PDE8B: variants seen among roughly 807,000 people sequenced by gnomAD.
PDE8B encodes phosphodiesterase 8B, also known as high affinity cAMP-specific and IBMX-insensitive 3',5'-cyclic phosphodiesterase 8B.
PDE8B carries 26 observed loss-of-function variants against 101.3 expected under a neutral mutation model. That is an observed-to-expected ratio of 0.26 (90% CI 0.19 to 0.36). The LOEUF is 0.36. Ranked by LOEUF, PDE8B falls within the 10% of genes least tolerant of loss-of-function variation. The pLI is 1.00. For missense variants in PDE8B, 810 were observed against 1,163.1 expected, an observed-to-expected ratio of 0.70 and a Z score of 4.42; for synonymous variants, 424 against 429.3, an observed-to-expected ratio of 0.99 and a Z score of 0.15.
intron 1 of PDE8B, among the ~76,000 whole-genome samples, chr5:77,309,153 T>G (rs983684216): frequency 8.6e-5 from 12 of 139,348 alleles, no homozygotes; most frequent in Non-Finnish European, 1.5e-4. Flanking sequence ...CACTCCAGCC[T>G]GGGCGACAGA....
chr5:77,363,476 G>A (rs1783509839), intron 10 of PDE8B, among the ~76,000 whole-genome samples: 1 of 152,124 alleles, frequency 6.6e-6, no homozygotes, highest in Non-Finnish European at 1.5e-5. Flanking sequence ...CACTTTGGGA[G>A]GCCGAGGTGG....
chr5:77,093,523 T>C, the PDE8B span, among the ~76,000 whole-genome samples: 2 of 152,236 alleles, frequency 1.3e-5, no homozygotes, highest in African/African-American at 4.8e-5. Context: ...ACAGTGGTTT[T>C]GGCACCCAAT....
chr5:77,352,965 T>C (rs13180935), intron 9 of PDE8B, among the ~76,000 whole-genome samples: 38,989 of 152,166 alleles, frequency 0.26, 5,508 homozygotes, highest in East Asian at 0.44. Flanking sequence ...TGAAATGTGG[T>C]CATTGTCCAA....
the PDE8B span, among the ~76,000 whole-genome samples, chr5:77,116,293 A>G: frequency 9.2e-4 from 128 of 139,512 alleles, no homozygotes; most frequent in East Asian, 0.019. Context: ...GTGCAGTGGC[A>G]CAATCTCGGC....
intron 1 of PDE8B, among the ~76,000 whole-genome samples, chr5:77,224,314 C>T (rs541136387): frequency 6.6e-6 from 1 of 152,084 alleles, no homozygotes; most frequent in Non-Finnish European, 1.5e-5. Context: ...TAATAATATA[C>T]AAGCCGATTT....
the PDE8B span, chr5:77,166,920 T>C: frequency 6.6e-6 from 1 of 152,200 alleles, no homozygotes. Context: ...GACCACTCTT[T>C]TCCCTACGGT....
intron 1 of PDE8B, chr5:77,213,988 C>G (rs913489665): frequency 2.0e-5 from 3 of 152,266 alleles, no homozygotes; most frequent in African/African-American, 7.2e-5. Context: ...GTTTCCATTT[C>G]TGGTAAGAAG....
chr5:77,274,874 A>T (rs1269350560), intron 1 of PDE8B, among the ~76,000 whole-genome samples: 4 of 152,224 alleles, frequency 2.6e-5, no homozygotes, highest in Admixed American at 1.3e-4. Context: ...AGTTTTAGAT[A>T]AAAGTTCATA....
At chr5:77,137,280 A>G in the PDE8B span, among the ~76,000 whole-genome samples, 1 of 152,202 alleles carries the variant, frequency 6.6e-6, no homozygotes, top group African/African-American at 2.4e-5. Flanking sequence ...ACACCCCAGG[A>G]GAGACTGGCC....
At chr5:77,407,741 A>G (rs1356008556) in intron 13 of PDE8B, among the ~76,000 whole-genome samples, 1 of 152,216 alleles carries the variant, frequency 6.6e-6, no homozygotes, top group Non-Finnish European at 1.5e-5. Context: ...GTCTTGAAGC[A>G]TAAGATGTTA....
intron 17 of PDE8B, among the ~76,000 whole-genome samples, chr5:77,414,968 T>C: frequency 6.6e-6 from 1 of 152,234 alleles, no homozygotes; most frequent in East Asian, 1.9e-4. Context: ...CCAAAATATA[T>C]TTCTTTAAAT....
intron 1 of PDE8B, among the ~76,000 whole-genome samples, chr5:77,311,591 T>C (rs141148187): frequency 6.6e-6 from 1 of 152,346 alleles, no homozygotes; most frequent in Non-Finnish European, 1.5e-5. Context: ...TATTCTCTTT[T>C]GAAATTTCAG....
chr5:77,283,534 T>C (rs766455911), intron 1 of PDE8B, among the ~76,000 whole-genome samples: 43 of 152,224 alleles, frequency 2.8e-4, no homozygotes, highest in Non-Finnish European at 3.1e-4. Flanking sequence ...TTTTAATATC[T>C]CTACAGTTTT....
chr5:77,241,883 T>A (rs969116149), intron 1 of PDE8B, among the ~76,000 whole-genome samples: 2 of 152,240 alleles, frequency 1.3e-5, no homozygotes, highest in South Asian at 2.1e-4. Flanking sequence ...ATAATGCCTC[T>A]GGAAAAGATA....
chr5:77,318,277 G>T (rs1774281248), intron 2 of PDE8B, among the ~76,000 whole-genome samples: 3 of 152,126 alleles, frequency 2.0e-5, no homozygotes, highest in Admixed American at 1.3e-4. Context: ...TTCTTTTGCT[G>T]TCTGTCCTTA....
chr5:77,167,976 TG>T, the PDE8B span, among the ~76,000 whole-genome samples: 1 of 151,796 alleles, frequency 6.6e-6, no homozygotes, highest in Non-Finnish European at 1.5e-5. Context: ...GGAAGTGAAG[TG>T]GAATGTGAGA....
At chr5:77,091,641 A>G in the PDE8B span, among the ~76,000 whole-genome samples, 2 of 152,146 alleles carry the variant, frequency 1.3e-5, no homozygotes, top group African/African-American at 4.8e-5. Flanking sequence ...ACTCTGTCTG[A>G]AAAATAATAA....
At chr5:77,122,457 C>G in the PDE8B span, among the ~76,000 whole-genome samples, 1 of 152,198 alleles carries the variant, frequency 6.6e-6, no homozygotes, top group African/African-American at 2.4e-5. Flanking sequence ...ATCATTTCTG[C>G]TAGTGCGTAC....
the PDE8B span, among the ~76,000 whole-genome samples, chr5:77,191,230 A>G: frequency 7.0e-6 from 1 of 142,764 alleles, no homozygotes; most frequent in Non-Finnish European, 1.5e-5. Context: ...ATATAGTCAT[A>G]TTGACAGTTA....
Sources: allele counts gnomAD v4.1 joint callset (sites outside exome capture counted in the v4.1 genomes callset), GRCh38; gene constraint gnomAD v4.1.1; transcripts MANE v1.5; gene names NCBI Gene and HGNC (gene_info 2026-07-23, HGNC 2026-07-21).